Variants in B3GALT1 observed in about 807,000 individuals in gnomAD.
B3GALT1 encodes the protein beta-1,3-galactosyltransferase 1, also known as UDP-Gal:betaGlcNAc beta 1,3-galactosyltransferase, polypeptide 1.
Under a neutral mutation model 23.2 loss-of-function variants are expected in B3GALT1, and 10 were observed. That is an observed-to-expected ratio of 0.43 (90% CI 0.27 to 0.73). The LOEUF (loss-of-function observed/expected upper bound fraction) is 0.73, where lower values mean the gene tolerates loss of function less well. B3GALT1 is among the 30% of genes least tolerant of loss of function. The pLI is 0.21. For synonymous variants in B3GALT1, 156 were observed against 141.5 expected (o/e 1.10, Z -0.73); for missense variants, 299 against 405.4 (o/e 0.74, Z 2.25).
At chr2:167,844,040 C>T (rs1284603759) in intron 4 of B3GALT1, among the ~76,000 whole-genome samples, 3 of 152,084 alleles carry the variant, frequency 2.0e-5, no homozygotes, top group East Asian at 1.9e-4. Context: ...GCCTATTAGA[C>T]GAAATATCTA....
intron 1 of B3GALT1, among the ~76,000 whole-genome samples, chr2:167,430,539 G>A (rs1270560033): frequency 2.0e-5 from 3 of 152,120 alleles, no homozygotes; most frequent in African/African-American, 4.8e-5. Context: ...CATGGTAGTA[G>A]CAGTGGAAGT....
intron 1 of B3GALT1, among the ~76,000 whole-genome samples, chr2:167,440,694 T>A (rs1372446896): frequency 2.0e-5 from 3 of 152,148 alleles, no homozygotes; most frequent in African/African-American, 2.4e-5. Flanking sequence ...CAATTATTTT[T>A]CCTCTCTGTT....
chr2:167,715,250 G>A, intron 3 of B3GALT1: 1 of 1,613,932 alleles, frequency 6.2e-7, no homozygotes, highest in Non-Finnish European at 8.5e-7. Context: ...TTTCATCATT[G>A]GCAAGTGTCC....
intron 1 of B3GALT1, among the ~76,000 whole-genome samples, chr2:167,483,099 G>C (rs964669157): frequency 6.6e-6 from 1 of 151,954 alleles, no homozygotes; most frequent in Non-Finnish European, 1.5e-5. Context: ...TTCGAGACCA[G>C]CCTGACCAAC....
At chr2:167,843,194 G>A (rs553308738) in intron 4 of B3GALT1, among the ~76,000 whole-genome samples, 9 of 152,244 alleles carry the variant, frequency 5.9e-5, no homozygotes, top group East Asian at 3.9e-4. Context: ...GTAAATTTTC[G>A]TAAACATTTG....
intron 1 of B3GALT1, among the ~76,000 whole-genome samples, chr2:167,389,583 T>C (rs1697984290): frequency 6.6e-6 from 1 of 152,168 alleles, no homozygotes; most frequent in South Asian, 2.1e-4. Context: ...TCCAGTTCCA[T>C]GAACAGGCCT....
At chr2:167,847,878 A>G (rs1488498820) in intron 4 of B3GALT1, among the ~76,000 whole-genome samples, 1 of 152,216 alleles carries the variant, frequency 6.6e-6, no homozygotes, top group African/African-American at 2.4e-5. Context: ...GAAAATCCAG[A>G]TAACCTCACT....
intron 4 of B3GALT1, among the ~76,000 whole-genome samples, chr2:167,833,252 T>C (rs1188927872): frequency 6.6e-6 from 1 of 152,184 alleles, no homozygotes; most frequent in East Asian, 1.9e-4. Context: ...CATGCCTCCC[T>C]TCCCTCCTTG....
intron 4 of B3GALT1, among the ~76,000 whole-genome samples, chr2:167,858,543 A>G (rs1373363736): frequency 6.6e-6 from 1 of 152,040 alleles, no homozygotes; most frequent in African/African-American, 2.4e-5. Context: ...ATCTCATTTG[A>G]TCTTTACAGT....
intron 3 of B3GALT1, among the ~76,000 whole-genome samples, chr2:167,768,331 A>G (rs1688012044): frequency 6.6e-6 from 1 of 152,234 alleles, no homozygotes; most frequent in Admixed American, 6.5e-5. Context: ...TTTTCTCTAC[A>G]CTGAATAGTA....
chr2:167,551,308 T>C (rs765599357), intron 2 of B3GALT1, among the ~76,000 whole-genome samples: 10 of 152,146 alleles, frequency 6.6e-5, no homozygotes, highest in Non-Finnish European at 1.0e-4. Context: ...AGCAAAAATA[T>C]GTTGTTTGAT....
chr2:167,715,413 G>C, intron 3 of B3GALT1: 1 of 1,612,102 alleles, frequency 6.2e-7, no homozygotes, highest in Non-Finnish European at 8.5e-7. Flanking sequence ...CTTTCCTGAA[G>C]TTGAGAATTT....
At chr2:167,546,437 T>A (rs1683636925) in intron 2 of B3GALT1, among the ~76,000 whole-genome samples, 1 of 152,126 alleles carries the variant, frequency 6.6e-6, no homozygotes, top group Admixed American at 6.5e-5. Context: ...ACTGATAAGG[T>A]ATGTCCTAAG....
chr2:167,422,148 G>A (rs1698556695), intron 1 of B3GALT1, among the ~76,000 whole-genome samples: 1 of 151,094 alleles, frequency 6.6e-6, no homozygotes, highest in Admixed American at 6.6e-5. Context: ...GAGGAGGGAG[G>A]AAAGGAAGAG....
intron 4 of B3GALT1, among the ~76,000 whole-genome samples, chr2:167,855,328 TC>T (rs1689980375): frequency 1.3e-5 from 2 of 152,200 alleles, no homozygotes; most frequent in African/African-American, 4.8e-5. Flanking sequence ...AGACTTGTAT[TC>T]AAATCCAGGT....
At chr2:167,571,405 T>C (rs1226643794) in intron 2 of B3GALT1, among the ~76,000 whole-genome samples, 3 of 151,906 alleles carry the variant, frequency 2.0e-5, no homozygotes, top group Admixed American at 1.3e-4. Flanking sequence ...GGCAGCCACA[T>C]GTTTGATAGG....
intron 4 of B3GALT1, among the ~76,000 whole-genome samples, chr2:167,864,824 A>G (rs1202766432): frequency 1.3e-5 from 2 of 152,194 alleles, no homozygotes; most frequent in African/African-American, 4.8e-5. Context: ...ATGAAACTCT[A>G]AAATATAAAC....
chr2:167,866,726 T>G (rs1048738519), intron 4 of B3GALT1, among the ~76,000 whole-genome samples: 2 of 152,188 alleles, frequency 1.3e-5, no homozygotes, highest in Non-Finnish European at 2.9e-5. Flanking sequence ...GGGGAGGCCC[T>G]TAACATCTTA....
chr2:167,678,744 A>G (rs1686472804), intron 3 of B3GALT1, among the ~76,000 whole-genome samples: 1 of 152,250 alleles, frequency 6.6e-6, no homozygotes, highest in South Asian at 2.1e-4. Context: ...AGCAGCTTGC[A>G]GCTCAAATGG....
Sources: allele counts gnomAD v4.1 joint callset (sites outside exome capture counted in the v4.1 genomes callset), GRCh38; gene constraint gnomAD v4.1.1; transcripts MANE v1.5; gene names NCBI Gene and HGNC (gene_info 2026-07-23, HGNC 2026-07-21).